Variants in CARS1 observed in about 807,000 individuals in gnomAD.
CARS1 encodes the protein cysteinyl-tRNA synthetase 1, also known as cysteine--tRNA ligase, cytoplasmic.
Under a neutral mutation model 106.2 loss-of-function variants are expected in CARS1, and 48 were observed. That is an observed-to-expected ratio of 0.45 (90% CI 0.36 to 0.57). The LOEUF (loss-of-function observed/expected upper bound fraction) is 0.57. CARS1 is among the 20% of genes least tolerant of loss of function. The probability of loss-of-function intolerance (pLI) is 0.00; values close to 1 mark genes in which losing one functional copy is unlikely to be tolerated. For synonymous variants in CARS1, 409 were observed against 403.4 expected (o/e 1.01, Z -0.17); for missense variants, 968 against 1,057.2 (o/e 0.92, Z 1.17).
chr11:3,042,397 G>C, intron 2 of CARS1, 141 bp from the exon 3 acceptor site: 1 of 607,742 alleles, frequency 1.6e-6, no homozygotes, highest in South Asian at 2.0e-5. Context: ...CACGAATCTC[G>C]GTCAACATTA....
chr11:3,006,561 A>T (rs1565015459), intron 19 of CARS1, among the ~76,000 whole-genome samples: 1 of 152,290 alleles, frequency 6.6e-6, no homozygotes, highest in East Asian at 1.9e-4. Flanking sequence ...AGTGTACAGG[A>T]TACAGGCTGG....
In CARS1 at chr11:3,037,870, G is replaced by A. The variant is rs1010907355; in HGVS notation, c.801+180C>T. 6.6e-6 allele frequency among the ~76,000 whole-genome samples: 1 copy of A among 152,186 alleles called. No homozygotes were observed. The highest frequency in any genetic ancestry group is 6.5e-5 in the Admixed American group (1 of 15,280). On this transcript the variant is annotated intron_variant, in intron 7 of 22. Coordinates refer to ENST00000380525, the MANE Select transcript of CARS1 (RefSeq NM_001014437.3). The surrounding 1 kb of genome is among the most constrained non-coding windows in gnomAD (Gnocchi z 5.9). ...GGAAATGGGGCAAAGGGGTGTGGGA[G>A]GGGAGGGGCACTGACTCAGCCACCG... is the stretch of plus-strand genomic sequence containing the variant.
rs1849611709 is a variant in CARS1, at chr11:3,003,792, T to C, written c.2218-1192A>G. Among the ~76,000 whole-genome samples, 1 of 152,050 alleles carries C rather than the reference T, an allele frequency of 6.6e-6. No individual in the cohort carries two copies. Among genetic ancestry groups the C allele is most frequent in the South Asian group, 2.1e-4 (1 of 4,832 alleles). ...AAGTTAGTATGTGTTTATGTGCTGG[T>C]GGGAATGGTACAGGGAGAGGCAGGA... is the stretch of plus-strand genomic sequence containing the variant. On this transcript the variant is annotated intron_variant, in intron 20 of 22. Transcript: ENST00000380525. The surrounding 1 kb of genome is among the most constrained non-coding windows in gnomAD (Gnocchi z 4.8).
In CARS1 at chr11:3,057,328, G is replaced by A. The variant is rs370364853; in HGVS notation, c.25+15C>T. The A allele has an allele frequency of 1.9e-6, 3 of 1,607,316 alleles. No individual in the cohort carries two copies. The highest frequency in any genetic ancestry group is 2.2e-5 in the South Asian group (2 of 90,552). On this transcript the variant is annotated intron_variant, in intron 1 of 22. Transcript: ENST00000380525. ...CCCCCAGCCGCCCTCAGCCTGGCCC[G>A]GCCGCGCCGCTCACCCTGCTGCCCG...
At position 3,034,512 on chromosome 11, in the gene CARS1, C is replaced by T. The variant is rs375465914; in HGVS notation, c.801+3538G>A. Among the ~76,000 whole-genome samples the T allele has an allele frequency of 2.2e-4, 34 of 151,900 alleles. No homozygotes were observed. Among genetic ancestry groups the T allele is most frequent in the Non-Finnish European group, 4.1e-4 (28 of 67,978 alleles). On this transcript the variant is annotated intron_variant, in intron 7 of 22. Transcript: ENST00000380525. This position sits in a 1 kb window ranked among gnomAD's most constrained non-coding sequence, Gnocchi z 6.3. ...CTAGGATTACAGGCGTGACCCACTG[C>T]GCCTGGCCGGGAATGGGTAAAATTT... is the stretch of plus-strand genomic sequence containing the variant.
chr11:3,041,901 AG>A lies in CARS1; in HGVS notation c.366+263del, dbSNP rs1157011661. On this transcript the variant is annotated intron_variant, in intron 3 of 22. Transcript: ENST00000380525. This position sits in a 1 kb window ranked among gnomAD's most constrained non-coding sequence, Gnocchi z 4.9. Reference sequence around the variant, plus strand: ...TTGGGCAGAGTCCGAGAGACAAGCCAGGGTGATCCATGCCCAGAAGTCATGG... The same window carrying A: ...TTGGGCAGAGTCCGAGAGACAAGCCAGGTGATCCATGCCCAGAAGTCATGG... Among the ~76,000 whole-genome samples the A allele has an allele frequency of 3.9e-5, 6 of 152,312 alleles. No homozygotes were observed. The highest frequency in any genetic ancestry group is 1.4e-4 in the African/African-American group (6 of 41,576).
chr11:3,039,985 C>A lies in CARS1; in HGVS notation c.456-54G>T. On this transcript the variant is annotated intron_variant, in intron 4 of 22. Coordinates refer to ENST00000380525, the MANE Select transcript of CARS1 (RefSeq NM_001014437.3). This position sits in a 1 kb window ranked among gnomAD's most constrained non-coding sequence, Gnocchi z 5.6. The stretch of plus-strand genomic sequence containing the variant: ...ACACCAGACGATATGTATAGCTTAA[C>A]CTCCAACAACACGTGTTTGAACTGC... The A allele has an allele frequency of 1.1e-6, 1 of 910,372 alleles. No individual in the cohort carries two copies. Among genetic ancestry groups the A allele is most frequent in the Non-Finnish European group, 1.7e-6 (1 of 578,900 alleles). The allele number at this position is 910,372 out of a possible 1,614,324, so 56.4% of individuals were successfully genotyped here.
rs1479390428 is a variant in CARS1, at chr11:3,018,601, G to T, written c.1525+19C>A. On this transcript the variant is annotated intron_variant, in intron 13 of 22. Coordinates refer to ENST00000380525, the MANE Select transcript of CARS1 (RefSeq NM_001014437.3). The stretch of plus-strand genomic sequence containing the variant: ...ATGAGAAGGTGGTTGGGGGGTCTGT[G>T]GGAGAAGCCAGTGTATACCTGAGTG... 1 of 1,613,826 alleles carries T rather than the reference G, an allele frequency of 6.2e-7. No homozygotes were observed. Among genetic ancestry groups the T allele is most frequent in the South Asian group, 1.1e-5 (1 of 91,044 alleles).
chr11:3,048,269 A>G lies in CARS1; in HGVS notation c.26-268T>C, dbSNP rs1358720782. 2 of 410,052 alleles carry G rather than the reference A, an allele frequency of 4.9e-6. No individual in the cohort carries two copies. The highest frequency in any genetic ancestry group is 4.7e-5 in the South Asian group (1 of 21,096). 25.4% of individuals were successfully genotyped at this position (410,052 alleles called of 1,614,324 possible). On this transcript the variant is annotated intron_variant, in intron 1 of 22. Transcript: ENST00000380525. The surrounding 1 kb of genome is among the most constrained non-coding windows in gnomAD (Gnocchi z 5.1). ...ACAGAAATGAAGGCTGCATGACAACATCATGCGCCAAATACCACAGAATTG... is the reference window on the plus strand; with the variant it reads ...ACAGAAATGAAGGCTGCATGACAACGTCATGCGCCAAATACCACAGAATTG...
In CARS1 at chr11:3,006,854, T is replaced by C. The variant is rs764784615; in HGVS notation, c.2149+25A>G. 23 of 1,596,218 alleles carry C rather than the reference T, an allele frequency of 1.4e-5. 2 individuals are homozygous for C. The South Asian group carries it at 1.5e-4, about 11-fold the overall frequency. On this transcript the variant is annotated intron_variant, in intron 19 of 22. Coordinates refer to ENST00000380525, the MANE Select transcript of CARS1 (RefSeq NM_001014437.3). Reference sequence around the variant, plus strand: ...CCTCTCCAAGCTCCTGGTAACTTTGTAGCAAACAGCAAGGGCTCACCCACC... The same window carrying C: ...CCTCTCCAAGCTCCTGGTAACTTTGCAGCAAACAGCAAGGGCTCACCCACC...
In CARS1 at chr11:3,034,257, G is replaced by A. The variant is rs982433331; in HGVS notation, c.801+3793C>T. Among the ~76,000 whole-genome samples the A allele has an allele frequency of 4.0e-5, 6 of 151,866 alleles. No homozygotes were observed. Among genetic ancestry groups the A allele is most frequent in the Admixed American group, 6.6e-5 (1 of 15,244 alleles). The stretch of plus-strand genomic sequence containing the variant: ...TGTTTTTTTGAGACAGTCTCACTCT[G>A]TTTCCCAGGCTGGAATGCAGTGGCG... On this transcript the variant is annotated intron_variant, in intron 7 of 22. Transcript: ENST00000380525. The surrounding 1 kb of genome is among the most constrained non-coding windows in gnomAD (Gnocchi z 6.3).
At position 3,017,850 on chromosome 11, in the gene CARS1, A is replaced by C. The variant is rs1851199389; in HGVS notation, c.1727+7T>G. On this transcript the variant is annotated splice_region_variant and intron_variant, in intron 15 of 22. Coordinates refer to ENST00000380525, the MANE Select transcript of CARS1 (RefSeq NM_001014437.3). The surrounding 1 kb of genome is among the most constrained non-coding windows in gnomAD (Gnocchi z 4.9). ...TCAAAAACCCCAAAGAAATGGCACC[A>C]CCTTACTTCTTATTCAGTTCTGCTT... The C allele has an allele frequency of 1.3e-6, 2 of 1,593,832 alleles. No individual in the cohort carries two copies. The highest frequency in any genetic ancestry group is 1.7e-6 in the Non-Finnish European group (2 of 1,162,194).
intron 7 of CARS1, among the ~76,000 whole-genome samples, chr11:3,035,085 G>T (rs1853440406): frequency 6.6e-6 from 1 of 152,036 alleles, no homozygotes; most frequent in Non-Finnish European, 1.5e-5. Context: ...ATTCATGAGG[G>T]CAGAGCTCTC....
rs1427641545 is a variant in CARS1 at position 3,045,419 on chromosome 11, C to G, written c.274+2334G>C. On this transcript the variant is annotated intron_variant, in intron 2 of 22. Coordinates refer to ENST00000380525, the MANE Select transcript of CARS1 (RefSeq NM_001014437.3). The surrounding 1 kb of genome is among the most constrained non-coding windows in gnomAD (Gnocchi z 5.6). ...AGCTGGGACTATAGGCACCCGCCATCACGCCCGGCTAATTTTTTGTATTTT... is the reference window on the plus strand; with the variant it reads ...AGCTGGGACTATAGGCACCCGCCATGACGCCCGGCTAATTTTTTGTATTTT... Among the ~76,000 whole-genome samples, 1 of 152,190 alleles carries G rather than the reference C, an allele frequency of 6.6e-6. No homozygotes were observed. The highest frequency in any genetic ancestry group is 6.5e-5 in the Admixed American group (1 of 15,292).
In CARS1 at chr11:3,057,344, C is replaced by G. The variant is rs1411010002; in HGVS notation, c.24G>C (p.Gln8His). ...GCCTGGCCCGGCCGCGCCGCTCACC[C>G]TGCTGCCCGGAGGAATCTGCCATGG... The part of the protein sequence containing the change: MADSSGQ[Q>H]APDYRSILSI... The change falls in exon 1 of 23, where the codon CAG becomes CAC. Residue 8 changes from glutamine to histidine, a missense_variant and splice_region_variant. Coordinates refer to ENST00000380525, the MANE Select transcript of CARS1 (RefSeq NM_001014437.3). 1 of 1,610,090 alleles carries G rather than the reference C, an allele frequency of 6.2e-7. No homozygotes were observed. Among genetic ancestry groups the G allele is most frequent in the Non-Finnish European group, 8.5e-7 (1 of 1,178,748 alleles).
chr11:3,042,274 C>T lies in CARS1; in HGVS notation c.275-18G>A, dbSNP rs773867574. On this transcript the variant is annotated intron_variant, in intron 2 of 22. Transcript: ENST00000380525. ...GCCTTTGCCTGGGAGGCAGAGAGAG[C>T]AGGATCAGGGTCCAGGGGCAGCACC... 8.7e-6 allele frequency: 14 copies of T among 1,603,096 alleles called. No individual in the cohort carries two copies. In the Admixed American group the frequency reaches 2.3e-4, roughly 27 times the overall value.
At position 3,019,289 on chromosome 11, in the gene CARS1, G is replaced by C; in HGVS notation, c.1267-22C>G. ...GACCCTGGAGAAAGCCGAACACACAGTGACTGACCAGCCTACCCGCTTGTC... is the reference window on the plus strand; with the variant it reads ...GACCCTGGAGAAAGCCGAACACACACTGACTGACCAGCCTACCCGCTTGTC... On this transcript the variant is annotated intron_variant, in intron 11 of 22. Coordinates refer to ENST00000380525, the MANE Select transcript of CARS1 (RefSeq NM_001014437.3). The surrounding 1 kb of genome is among the most constrained non-coding windows in gnomAD (Gnocchi z 6.2). The C allele has an allele frequency of 3.6e-6, 5 of 1,388,144 alleles. No individual in the cohort carries two copies. Among genetic ancestry groups the C allele is most frequent in the South Asian group, 2.0e-5 (1 of 50,236 alleles). The allele number at this position is 1,388,144 out of a possible 1,614,324, so 86.0% of individuals were successfully genotyped here.
chr11:3,032,516 T>C (rs533219360), intron 7 of CARS1, among the ~76,000 whole-genome samples: 1 of 152,102 alleles, frequency 6.6e-6, no homozygotes, highest in Admixed American at 6.5e-5. Flanking sequence ...GAATTAAATT[T>C]TAGGACTCCC....
At chr11:3,032,201 T>C (rs1852929825) in intron 7 of CARS1, among the ~76,000 whole-genome samples, 1 of 151,318 alleles carries the variant, frequency 6.6e-6, no homozygotes, top group Non-Finnish European at 1.5e-5. Flanking sequence ...GCCTCCCGAG[T>C]AGAAGGGATT....
Sources: gnomAD v4.1 joint callset for allele counts (sites outside exome capture counted in the v4.1 genomes callset) on GRCh38, gnomAD v4.1.1 for gene constraint, Gnocchi (gnomAD v3.1) non-coding constraint, MANE v1.5 for transcripts, NCBI Gene and HGNC (gene_info 2026-07-23, HGNC 2026-07-21) for gene names.